Variants in MTHFD1L observed in about 807,000 individuals in gnomAD.
MTHFD1L encodes the protein methylenetetrahydrofolate dehydrogenase (NADP+ dependent) 1 like.
A neutral mutation model predicts 119.5 loss-of-function variants in MTHFD1L; 81 were observed. The ratio of observed to expected loss-of-function variants is 0.68; its 90% CI spans 0.57 to 0.82. The LOEUF is 0.82. Ranked by LOEUF, MTHFD1L falls within the 40% of genes least tolerant of loss-of-function variation. The pLI, the probability that MTHFD1L is intolerant of heterozygous loss-of-function variation, is 0.00. For missense variants in MTHFD1L, 1,125 were observed against 1,253.4 expected, an observed-to-expected ratio of 0.90 and a Z score of 1.55; for synonymous variants, 430 against 475.2, an observed-to-expected ratio of 0.90 and a Z score of 1.24.
chr6:151,022,148 G>A, intron 24 of MTHFD1L: 1 of 447,984 alleles, frequency 2.2e-6, no homozygotes, highest in East Asian at 7.2e-5. Flanking sequence ...TGCCCAGATG[G>A]CCAGGGGTGT....
chr6:151,014,228 C>G (rs1782688040), intron 22 of MTHFD1L, among the ~76,000 whole-genome samples: 1 of 151,994 alleles, frequency 6.6e-6, no homozygotes, highest in African/African-American at 2.4e-5. Context: ...AAGAAAAGTG[C>G]CGTTCTAAGA....
chr6:151,001,804 A>G (rs1320877331), intron 20 of MTHFD1L, among the ~76,000 whole-genome samples: 3 of 152,160 alleles, frequency 2.0e-5, no homozygotes, highest in Non-Finnish European at 2.9e-5. Flanking sequence ...GTCAAACAGA[A>G]TACTCCCTGC....
Position 150,865,734 on chromosome 6 carries a change from CCGCCGCCGCCGCCTGCTCCCCTGGCACG to C in MTHFD1L, c.-84_-57del. 1 of 1,127,790 alleles carries C rather than the reference CCGCCGCCGCCGCCTGCTCCCCTGGCACG, an allele frequency of 8.9e-7. No homozygotes were observed. The highest frequency in any genetic ancestry group is 1.1e-6 in the Non-Finnish European group (1 of 916,406). 69.9% of individuals were successfully genotyped at this position (1,127,790 alleles called of 1,614,324 possible). A position where few individuals can be genotyped will look rare whatever the true frequency, so the allele number is the denominator to read the frequency against. On this transcript the variant is annotated 5_prime_UTR_variant, in exon 1 of 28. Coordinates refer to ENST00000367321, the MANE Select transcript of MTHFD1L (RefSeq NM_015440.5). The stretch of plus-strand genomic sequence containing the variant: ...CGCCAGGTCCTTCCCGCCGCCGCCG[CCGCCGCCGCCGCCTGCTCCCCTGGCACG>C]CGCCCCGCCGCCCTCGGCAGCCGCA...
At chr6:151,024,178 C>T (rs1784330496) in intron 24 of MTHFD1L, among the ~76,000 whole-genome samples, 3 of 151,974 alleles carry the variant, frequency 2.0e-5, no homozygotes, top group Admixed American at 2.0e-4. Context: ...TCATTCATTT[C>T]GCTCTTGTAA....
In MTHFD1L at chr6:150,991,551, T is replaced by C. The variant is rs187603522; in HGVS notation, c.2126-18268T>C. On this transcript the variant is annotated intron_variant, in intron 20 of 27. Transcript: ENST00000367321. ...AATTTTTACAATTACTGTGTATTAC[T>C]TTTGTAGTAGTTTTTTTTATAAAAG... Among the ~76,000 whole-genome samples, 9 of 152,326 alleles carry C rather than the reference T, an allele frequency of 5.9e-5. No individual in the cohort carries two copies. In the East Asian group the frequency reaches 1.5e-3, roughly 26 times the overall value.
At chr6:150,936,070 T>C (rs568532352) in intron 11 of MTHFD1L, among the ~76,000 whole-genome samples, 1 of 152,310 alleles carries the variant, frequency 6.6e-6, no homozygotes, top group South Asian at 2.1e-4. Context: ...TCCGCCATAG[T>C]ATGCACAGGG....
At chr6:151,048,221 C>T (rs1788413732) in intron 26 of MTHFD1L, among the ~76,000 whole-genome samples, 1 of 152,144 alleles carries the variant, frequency 6.6e-6, no homozygotes. Context: ...CCTTGTCACA[C>T]CTACCAGAAT....
chr6:150,994,095 A>AAGAAGAAAGAAAG (rs1554273941), intron 20 of MTHFD1L, among the ~76,000 whole-genome samples: 2 of 143,772 alleles, frequency 1.4e-5, no homozygotes, highest in South Asian at 2.1e-4. Context: ...GAAAGAAAGA[A>AAGAAGAAAGAAAG]AGTGACCCAG....
At chr6:150,914,228 C>T (rs551624342) in intron 8 of MTHFD1L, among the ~76,000 whole-genome samples, 4 of 151,624 alleles carry the variant, frequency 2.6e-5, no homozygotes, top group South Asian at 2.1e-4. Context: ...GCCTGGGAGG[C>T]GGGGGTTACA....
At chr6:150,992,460 C>G (rs980874836) in intron 20 of MTHFD1L, among the ~76,000 whole-genome samples, 2 of 152,134 alleles carry the variant, frequency 1.3e-5, no homozygotes, top group African/African-American at 4.8e-5. Context: ...GTGGGATGAG[C>G]GCATGGGATA....
At chr6:151,016,768 CT>C (rs757274955) in intron 24 of MTHFD1L, 7,674 of 216,886 alleles carry the variant, frequency 0.035, no homozygotes, top group South Asian at 0.041. Context: ...CTATCTTAGC[CT>C]TTTTTTTTTT....
At chr6:150,997,885 G>A (rs976055785) in intron 20 of MTHFD1L, among the ~76,000 whole-genome samples, 3 of 152,212 alleles carry the variant, frequency 2.0e-5, no homozygotes, top group Admixed American at 6.5e-5. Flanking sequence ...GGCCAGGCCC[G>A]AGTAATCATT....
At chr6:150,923,747 G>A (rs1187835006) in intron 10 of MTHFD1L, among the ~76,000 whole-genome samples, 1 of 151,170 alleles carries the variant, frequency 6.6e-6, no homozygotes, top group African/African-American at 2.4e-5. Flanking sequence ...GAACACCCTG[G>A]TTCAGTTCTA....
At chr6:150,955,441 A>G (rs1011317053) in intron 16 of MTHFD1L, among the ~76,000 whole-genome samples, 3 of 146,552 alleles carry the variant, frequency 2.0e-5, no homozygotes, top group Non-Finnish European at 4.5e-5. Flanking sequence ...CAGATATCTG[A>G]GTGTCTCCTT....
chr6:150,907,198 G>A (rs1786065146), intron 8 of MTHFD1L, among the ~76,000 whole-genome samples: 1 of 152,156 alleles, frequency 6.6e-6, no homozygotes, highest in Non-Finnish European at 1.5e-5. Flanking sequence ...AGTCATGGCT[G>A]GAGATAGGAG....
intron 20 of MTHFD1L, among the ~76,000 whole-genome samples, chr6:150,986,543 A>G (rs1456989611): frequency 6.6e-6 from 1 of 152,180 alleles, no homozygotes; most frequent in African/African-American, 2.4e-5. Flanking sequence ...GATCCCTTAC[A>G]TGCGCAGTTC....
chr6:150,964,419 A>C (rs901882975), intron 18 of MTHFD1L, among the ~76,000 whole-genome samples: 1 of 152,214 alleles, frequency 6.6e-6, no homozygotes, highest in Non-Finnish European at 1.5e-5. Context: ...GATAGCGTGA[A>C]GCCTTTCACA....
intron 16 of MTHFD1L, 53 bp from the exon 17 acceptor site, chr6:150,955,942 C>A: frequency 1.4e-6 from 2 of 1,457,714 alleles, no homozygotes; most frequent in Non-Finnish European, 1.9e-6. Flanking sequence ...CAGACACACA[C>A]CAGGTGGCTG....
At chr6:150,876,503 G>A (rs1238105876) in intron 2 of MTHFD1L, among the ~76,000 whole-genome samples, 1 of 152,144 alleles carries the variant, frequency 6.6e-6, no homozygotes, top group East Asian at 1.9e-4. Flanking sequence ...AAGGTGCTGG[G>A]GGAAAAAGTG....
Sources: gnomAD v4.1 joint callset for allele counts (sites outside exome capture counted in the v4.1 genomes callset) on GRCh38, gnomAD v4.1.1 for gene constraint, MANE v1.5 for transcripts, NCBI Gene and HGNC (gene_info 2026-07-23, HGNC 2026-07-21) for gene names.